The following ATP1A2 variants were observed in gnomAD, a reference collection of about 807,000 sequenced individuals.
ATP1A2 encodes ATPase Na+/K+ transporting subunit alpha 2.
ATP1A2 carries 56 observed loss-of-function variants against 113.1 expected under a neutral mutation model. The observed-to-expected ratio is 0.49, with a 90% confidence interval of 0.40 to 0.62. The LOEUF (loss-of-function observed/expected upper bound fraction) is 0.62. Among genes scored for constraint, ATP1A2 ranks in the 20% least tolerant of loss-of-function variants. ATP1A2 has a pLI of 0.00. For missense variants in ATP1A2, 712 were observed against 1,357.8 expected (o/e 0.52, Z 7.47); for synonymous variants, 490 against 526.8 (o/e 0.93, Z 0.96).
At chr1:160,134,378 A>T in intron 13 of ATP1A2, 106 bp from the exon 14 acceptor site, 1 of 1,547,720 alleles carries the variant, frequency 6.5e-7, no homozygotes, top group South Asian at 1.2e-5. Context: ...GGGATCTGCC[A>T]TCCCCAGACA....
At chr1:160,117,941 G>C (rs1651242466) in intron 1 of ATP1A2, among the ~76,000 whole-genome samples, 1 of 152,218 alleles carries the variant, frequency 6.6e-6, no homozygotes, top group African/African-American at 2.4e-5. Flanking sequence ...CTTGTGGTTG[G>C]GGGAGGGAGG....
At chr1:160,123,673 CTG>C (rs1459755928) in intron 4 of ATP1A2, among the ~76,000 whole-genome samples, 1 of 152,240 alleles carries the variant, frequency 6.6e-6, no homozygotes, top group African/African-American at 2.4e-5. Flanking sequence ...GTGAGCCTGT[CTG>C]TGTGCCTGGG....
intron 13 of ATP1A2, among the ~76,000 whole-genome samples, chr1:160,132,994 A>G (rs1340222801): frequency 6.6e-6 from 1 of 152,028 alleles, no homozygotes; most frequent in African/African-American, 2.4e-5. Context: ...AAAGGCAGGA[A>G]TCATCTCTGC....
Position 160,125,361 on chromosome 1 carries a change from G to A in ATP1A2, c.748+108G>A, listed in dbSNP as rs79936378. On this transcript the variant is annotated intron_variant, in intron 7 of 22. Transcript: ENST00000361216. Reference sequence around the variant, plus strand: ...CTGGCAAAAGCTCTGCCATTGGTGGGGCAATTGAGGGGTCAGGGGGCCCTG... The same window carrying A: ...CTGGCAAAAGCTCTGCCATTGGTGGAGCAATTGAGGGGTCAGGGGGCCCTG... 6.6e-4 allele frequency: 677 copies of A among 1,030,754 alleles called. 6 individuals carry two copies. In the East Asian group the frequency reaches 0.015, roughly 23 times the overall value. The allele number at this position is 1,030,754 out of a possible 1,614,324, so 63.9% of individuals were successfully genotyped here. A position where few individuals can be genotyped will look rare whatever the true frequency, so the allele number is the denominator to read the frequency against.
chr1:160,133,321 G>A (rs1389999041), intron 13 of ATP1A2, among the ~76,000 whole-genome samples: 1 of 152,142 alleles, frequency 6.6e-6, no homozygotes, highest in Non-Finnish European at 1.5e-5. Context: ...TGGCCTTTGG[G>A]TGGCAGTTTC....
At chr1:160,122,677 GC>G (rs1180805837) in intron 3 of ATP1A2, among the ~76,000 whole-genome samples, 1 of 152,336 alleles carries the variant, frequency 6.6e-6, no homozygotes, top group East Asian at 1.9e-4. Context: ...TAGGACTTGA[GC>G]AGGGTGTGGA....
At position 160,135,245 on chromosome 1, in the gene ATP1A2, C is replaced by T. The variant is rs1446009006; in HGVS notation, c.2065C>T (p.Arg689Ter). 1.2e-6 allele frequency: 2 copies of T among 1,614,036 alleles called. No homozygotes were observed. Among genetic ancestry groups the T allele is most frequent in the African/African-American group, 1.3e-5 (1 of 74,918 alleles). The change falls in exon 15 of 23, where the codon CGA (arginine) becomes TGA (stop). Residue 689 changes from arginine to a stop codon, truncating the protein, a stop_gained. Coordinates refer to ENST00000361216, the MANE Select transcript of ATP1A2 (RefSeq NM_000702.4). LOFTEE classifies it high-confidence loss of function. The surrounding 1 kb of genome is among the most constrained non-coding windows in gnomAD (Gnocchi z 6.3). ...LKNHTEIVFARTSPQQKLIIV... is the reference protein window; with the variant it reads ...LKNHTEIVFA ...GAACCACACAGAGATCGTCTTTGCT[C>T]GAACGTCTCCCCAGCAGAAGCTCAT...
At chr1:160,137,331 A>C in intron 20 of ATP1A2, 2 of 436,004 alleles carry the variant, frequency 4.6e-6, no homozygotes, top group Non-Finnish European at 4.3e-6. Context: ...CCAGCCCTAA[A>C]TCCAGTGTCT....
chr1:160,125,175 A>G lies in ATP1A2; in HGVS notation c.670A>G (p.Thr224Ala). 1 of 1,613,958 alleles carries G rather than the reference A, an allele frequency of 6.2e-7. No homozygotes were observed. The highest frequency in any genetic ancestry group is 8.5e-7 in the Non-Finnish European group (1 of 1,179,970). ...SSLTGESEPQ[T>A]RSPEFTHENP... The stretch of plus-strand genomic sequence containing the variant: ...CTTAACAGGAGAGTCGGAGCCCCAG[A>G]CCCGCTCCCCCGAGTTCACCCATGA... Residue 224 changes from threonine (T) to alanine (A), a missense_variant, in exon 7 of 23, where the codon ACC becomes GCC. Thr to Ala is a moderately conservative substitution (Grantham distance 58). Transcript: ENST00000361216.
At chr1:160,138,737 A>G (rs761927670) in intron 20 of ATP1A2, among the ~76,000 whole-genome samples, 4 of 152,146 alleles carry the variant, frequency 2.6e-5, no homozygotes, top group African/African-American at 4.8e-5. Context: ...GCTACTGGAG[A>G]GGCTGAGGCA....
At position 160,124,668 on chromosome 1, in the gene ATP1A2, A is replaced by G. The variant is rs1321655; in HGVS notation, c.630+238A>G. Among the ~76,000 whole-genome samples, 149,726 of 152,320 alleles carry G rather than the reference A, an allele frequency of 0.98. 73,631 individuals carry two copies. Among genetic ancestry groups the G allele is most frequent in the East Asian group, 1 (5,182 of 5,182 alleles). On this transcript the variant is annotated intron_variant, in intron 6 of 22. Transcript: ENST00000361216. The stretch of plus-strand genomic sequence containing the variant: ...CTTTGTTGTCCACTTTTTAGCAATC[A>G]TGTATTGAATACCAATTATGTGTCA...
intron 1 of ATP1A2, among the ~76,000 whole-genome samples, chr1:160,120,545 T>G (rs1651359468): frequency 6.6e-6 from 1 of 152,186 alleles, no homozygotes; most frequent in Admixed American, 6.5e-5. Flanking sequence ...CCTTCCAGAA[T>G]TTTCCCAAAT....
rs776809763 is a variant in ATP1A2 at position 160,136,943 on chromosome 1, G to A, written c.2752G>A (p.Ala918Thr). ...RKVVEFTCHT[A>T]FFASIVVVQW... ...GGTGGTGGAGTTCACGTGCCACACG[G>A]CATTCTTTGCCAGCATCGTGGTGGT... Residue 918 changes from alanine (A) to threonine (T), a missense_variant, in exon 20 of 23, where the codon GCA (alanine) becomes ACA (threonine). Transcript: ENST00000361216. 6.2e-7 allele frequency: 1 copy of A among 1,614,122 alleles called. No homozygotes were observed. The highest frequency in any genetic ancestry group is 8.5e-7 in the Non-Finnish European group (1 of 1,180,036).
chr1:160,139,144 A>G lies in ATP1A2; in HGVS notation c.2841-496A>G, dbSNP rs143749569. Among the ~76,000 whole-genome samples the G allele has an allele frequency of 6.2e-4, 94 of 152,268 alleles. 1 individual carries two copies. In the East Asian group the frequency reaches 0.013, roughly 21 times the overall value. On this transcript the variant is annotated intron_variant, in intron 20 of 22. Coordinates refer to ENST00000361216, the MANE Select transcript of ATP1A2 (RefSeq NM_000702.4). The stretch of plus-strand genomic sequence containing the variant: ...ATTCTGATAAAGTGAACATATATTA[A>G]CCACTTATTATGCAGTGATCCCCTT...
In ATP1A2 at chr1:160,116,473, C is replaced by T. The variant is rs574087439; in HGVS notation, c.12+600C>T. Among the ~76,000 whole-genome samples the T allele has an allele frequency of 3.3e-5, 5 of 152,124 alleles. No homozygotes were observed. The South Asian group carries it at 6.3e-4, about 19-fold the overall frequency. On this transcript the variant is annotated intron_variant, in intron 1 of 22. Coordinates refer to ENST00000361216, the MANE Select transcript of ATP1A2 (RefSeq NM_000702.4). The stretch of plus-strand genomic sequence containing the variant: ...CACCCCAGCACCCCTCCGGATGTCC[C>T]GAGCAGCATTGTCCGTGGGTTCCAA...
At chr1:160,125,409 C>T in intron 7 of ATP1A2, 156 bp downstream of exon 7, 1 of 703,298 alleles carries the variant, frequency 1.4e-6, no homozygotes, top group South Asian at 1.6e-5. Context: ...ACACCCTCCA[C>T]AGAGCAGGGT....
chr1:160,125,742 G>A (rs1240792164), intron 7 of ATP1A2, among the ~76,000 whole-genome samples: 6 of 152,218 alleles, frequency 3.9e-5, no homozygotes, highest in Non-Finnish European at 5.9e-5. Context: ...GCCTACTTCA[G>A]GCTGCTTCTA....
At chr1:160,129,113 G>A in intron 10 of ATP1A2, 24 bp downstream of exon 10, 3 of 1,582,740 alleles carry the variant, frequency 1.9e-6, no homozygotes, top group Non-Finnish European at 2.6e-6. Flanking sequence ...ACACACACCA[G>A]GTATGTTTTG....
Position 160,135,637 on chromosome 1 carries a change from G to A in ATP1A2, c.2284+35G>A, listed in dbSNP as rs1479464224. On this transcript the variant is annotated intron_variant, in intron 16 of 22. Coordinates refer to ENST00000361216, the MANE Select transcript of ATP1A2 (RefSeq NM_000702.4). This position sits in a 1 kb window ranked among gnomAD's most constrained non-coding sequence, Gnocchi z 6.3. ...CTGCATGGGTTGGGATGGTTTGCAG[G>A]ATACTGAAGCCGGCACCTCTGTTCC... is the stretch of plus-strand genomic sequence containing the variant. 1.2e-6 allele frequency: 2 copies of A among 1,612,750 alleles called. No individual in the cohort carries two copies.
Sources: gnomAD v4.1 joint callset for allele counts (sites outside exome capture counted in the v4.1 genomes callset) on GRCh38, gnomAD v4.1.1 for gene constraint, Gnocchi (gnomAD v3.1) non-coding constraint, MANE v1.5 for transcripts, NCBI Gene and HGNC (gene_info 2026-07-23, HGNC 2026-07-21) for gene names.